Variants in EXT2 observed in about 807,000 individuals in gnomAD.
The protein encoded by EXT2 is exostosin-2.
EXT2 carries 53 observed loss-of-function variants against 81.6 expected under a neutral mutation model. The ratio of observed to expected loss-of-function variants is 0.65; its 90% CI spans 0.52 to 0.82. The LOEUF (loss-of-function observed/expected upper bound fraction) is 0.82. EXT2 is among the 40% of genes least tolerant of loss of function. The pLI, the probability that EXT2 is intolerant of heterozygous loss-of-function variation, is 0.00. For synonymous variants in EXT2, 320 were observed against 340.0 expected, an observed-to-expected ratio of 0.94 and a Z score of 0.65; for missense variants, 774 against 910.2, an observed-to-expected ratio of 0.85 and a Z score of 1.93.
intron 8 of EXT2, among the ~76,000 whole-genome samples, chr11:44,194,783 A>T (rs1024595119): frequency 1.3e-5 from 2 of 152,058 alleles, no homozygotes; most frequent in Admixed American, 6.5e-5. Context: ...CATTTTATAC[A>T]CTTTTTTAAA....
intron 10 of EXT2, among the ~76,000 whole-genome samples, chr11:44,223,625 G>A (rs1436726104): frequency 6.6e-6 from 1 of 151,740 alleles, no homozygotes; most frequent in Non-Finnish European, 1.5e-5. Flanking sequence ...CAGGAGTCAG[G>A]GATAGGGAGG....
At position 44,100,981 on chromosome 11, in the gene EXT2, G is replaced by A. The variant is rs541993665; in HGVS notation, c.-31+5129G>A. 6.6e-5 allele frequency among the ~76,000 whole-genome samples: 10 copies of A among 152,276 alleles called. No individual in the cohort carries two copies. In the South Asian group the frequency reaches 1.9e-3, roughly 28 times the overall value. On this transcript the variant is annotated intron_variant, in intron 1 of 13. Transcript: ENST00000533608. ...GGCAGATGCCTCCCATATGATTCTT[G>A]TGCTCCTCAAGATCTGCCTTCCACT... is the stretch of plus-strand genomic sequence containing the variant.
intron 8 of EXT2, among the ~76,000 whole-genome samples, chr11:44,178,257 C>G (rs1480532745): frequency 6.6e-6 from 1 of 152,154 alleles, no homozygotes; most frequent in Non-Finnish European, 1.5e-5. Flanking sequence ...GGGTAGGAAC[C>G]TAGAATTCGC....
chr11:44,242,793 A>G (rs147072402), intron 13 of EXT2, among the ~76,000 whole-genome samples: 237 of 152,266 alleles, frequency 1.6e-3, no homozygotes, highest in African/African-American at 5.4e-3. Flanking sequence ...TGTATCATCT[A>G]ATTAAGACTT....
intron 7 of EXT2, among the ~76,000 whole-genome samples, chr11:44,145,027 G>A (rs919801677): frequency 5.9e-5 from 9 of 152,154 alleles, no homozygotes; most frequent in Admixed American, 5.2e-4. Context: ...GAGCCCGGCT[G>A]TAGTTTTCTT....
intron 8 of EXT2, among the ~76,000 whole-genome samples, chr11:44,194,721 C>T (rs1389978036): frequency 6.6e-6 from 1 of 152,152 alleles, no homozygotes; most frequent in Non-Finnish European, 1.5e-5. Flanking sequence ...CAGTATTTTG[C>T]ACTTAGTAAG....
At chr11:44,164,973 G>C (rs1224797034) in intron 7 of EXT2, among the ~76,000 whole-genome samples, 1 of 151,092 alleles carries the variant, frequency 6.6e-6, no homozygotes, top group Non-Finnish European at 1.5e-5. Flanking sequence ...CCGCCTCCCG[G>C]GTTCACGCCA....
intron 4 of EXT2, among the ~76,000 whole-genome samples, chr11:44,115,578 A>G (rs1954211563): frequency 6.6e-6 from 1 of 152,234 alleles, no homozygotes; most frequent in South Asian, 2.1e-4. Flanking sequence ...GGAAGTGCTC[A>G]GAAGCAGAGG....
chr11:44,191,698 A>G (rs1014689427), intron 8 of EXT2, among the ~76,000 whole-genome samples: 8 of 152,190 alleles, frequency 5.3e-5, no homozygotes, highest in Admixed American at 4.6e-4. Flanking sequence ...AGAGGTGACT[A>G]AATGCTGTTT....
At chr11:44,179,367 C>CT (rs1462202485) in intron 8 of EXT2, among the ~76,000 whole-genome samples, 2 of 152,202 alleles carry the variant, frequency 1.3e-5, no homozygotes, top group African/African-American at 4.8e-5. Context: ...GTCCTGCCTT[C>CT]ATTGCTTACT....
In EXT2 at chr11:44,096,281, G is replaced by T; in HGVS notation, c.-31+429G>T. On this transcript the variant is annotated intron_variant, in intron 1 of 13. Transcript: ENST00000533608. ...TCCTGCGCCTCAGGGTCCGGTGGTG[G>T]CCTGCGGCATCCCTTGCGGTGCCAG... is the stretch of plus-strand genomic sequence containing the variant. The T allele has an allele frequency of 2.0e-6, 3 of 1,535,990 alleles. No individual in the cohort carries two copies. In the South Asian group the frequency reaches 3.6e-5, roughly 18 times the overall value.
rs1244114219 is a variant in EXT2, at chr11:44,249,363, C to G, written c.*5076C>G. 6.6e-6 allele frequency among the ~76,000 whole-genome samples: 1 copy of G among 152,206 alleles called. No homozygotes were observed. Among genetic ancestry groups the G allele is most frequent in the African/African-American group, 2.4e-5 (1 of 41,454 alleles). On this transcript the variant is annotated 3_prime_UTR_variant, in exon 14 of 14. Coordinates refer to ENST00000533608, the MANE Select transcript of EXT2 (RefSeq NM_207122.2). ...GGACCACTGGTTGCATCTCTTCCCA[C>G]TCTCCCTGAAAGGCACAGAACTATC...
At chr11:44,144,524 C>T (rs1008483219) in intron 7 of EXT2, among the ~76,000 whole-genome samples, 2 of 152,224 alleles carry the variant, frequency 1.3e-5, no homozygotes, top group Non-Finnish European at 2.9e-5. Context: ...GCTCCTGCCA[C>T]CTCAAAGGCT....
chr11:44,100,288 G>A (rs1293208970), intron 1 of EXT2, among the ~76,000 whole-genome samples: 2 of 152,176 alleles, frequency 1.3e-5, no homozygotes, highest in Admixed American at 1.3e-4. Flanking sequence ...ACTAGAAGTG[G>A]CTCTAGAAAG....
intron 10 of EXT2, among the ~76,000 whole-genome samples, chr11:44,231,679 T>C (rs145151987): frequency 1.6e-3 from 239 of 152,302 alleles, no homozygotes; most frequent in African/African-American, 5.5e-3. Context: ...ATGGTATGGA[T>C]CTTTTCAAGG....
At chr11:44,208,964 C>T (rs982689180) in intron 10 of EXT2, among the ~76,000 whole-genome samples, 1 of 152,174 alleles carries the variant, frequency 6.6e-6, no homozygotes, top group Non-Finnish European at 1.5e-5. Context: ...GACTCTAAGA[C>T]AAACAAATAC....
intron 5 of EXT2, among the ~76,000 whole-genome samples, chr11:44,125,840 A>G (rs912793914): frequency 6.6e-6 from 1 of 152,240 alleles, no homozygotes; most frequent in African/African-American, 2.4e-5. Flanking sequence ...AATGGTTATC[A>G]GCACGTGTGT....
chr11:44,238,874 G>A (rs1564989457), intron 13 of EXT2, among the ~76,000 whole-genome samples: 1 of 152,120 alleles, frequency 6.6e-6, no homozygotes, highest in Non-Finnish European at 1.5e-5. Flanking sequence ...TATTAGTGCT[G>A]GACTCCAAAA....
Position 44,122,349 on chromosome 11 carries a change from GT to G in EXT2, c.744-2437del, listed in dbSNP as rs141764791. On this transcript the variant is annotated intron_variant, in intron 4 of 13. Coordinates refer to ENST00000533608, the MANE Select transcript of EXT2 (RefSeq NM_207122.2). ...GGAAGTTTCCCTGCTTGTCTTGTGGGTTTGACTGTAAATTTTCCTCTTGCTT... is the reference window on the plus strand; with the variant it reads ...GGAAGTTTCCCTGCTTGTCTTGTGGGTTGACTGTAAATTTTCCTCTTGCTT... Among the ~76,000 whole-genome samples the G allele has an allele frequency of 8.1e-3, 1,236 of 152,274 alleles. 17 individuals are homozygous for G. Among genetic ancestry groups the G allele is most frequent in the African/African-American group, 0.028 (1,163 of 41,552 alleles).
Sources: gnomAD v4.1 joint callset for allele counts (sites outside exome capture counted in the v4.1 genomes callset) on GRCh38, gnomAD v4.1.1 for gene constraint, MANE v1.5 for transcripts, NCBI Gene and HGNC (gene_info 2026-07-23, HGNC 2026-07-21) for gene names.